The following NAAA variants were observed in gnomAD, a reference collection of about 807,000 sequenced individuals.
NAAA encodes N-acylethanolamine acid amidase, also known as N-acylethanolamine-hydrolyzing acid amidase.
A neutral mutation model predicts 44.8 loss-of-function variants in NAAA; 39 were observed. The observed-to-expected ratio is 0.87, with a 90% CI of 0.67 to 1.14. The LOEUF (loss-of-function observed/expected upper bound fraction) is 1.14. NAAA is among the 50% of genes most tolerant of loss of function. NAAA has a pLI of 0.00. For missense variants in NAAA, 460 were observed against 467.8 expected, an observed-to-expected ratio of 0.98 and a Z score of 0.15; for synonymous variants, 178 against 191.3, an observed-to-expected ratio of 0.93 and a Z score of 0.58.
downstream of NAAA, among the ~76,000 whole-genome samples, chr4:75,912,227 A>C (rs994126876): frequency 1.3e-5 from 2 of 152,194 alleles, no homozygotes; most frequent in African/African-American, 4.8e-5. Context: ...ATTTTCAAGA[A>C]AACAAAAATG....
At chr4:75,920,152 C>T (rs1726014297) in intron 7 of NAAA, among the ~76,000 whole-genome samples, 177 bp from the exon 8 acceptor site, 1 of 152,212 alleles carries the variant, frequency 6.6e-6, no homozygotes, top group African/African-American at 2.4e-5. Context: ...TGGAATTCAT[C>T]CAGCAGCTGG....
At chr4:75,921,679 T>C (rs572427865) in intron 5 of NAAA, among the ~76,000 whole-genome samples, 46 of 152,244 alleles carry the variant, frequency 3.0e-4, no homozygotes, top group African/African-American at 1.1e-3. Context: ...GAGGTACTGC[T>C]GGGAAGCATC....
chr4:75,933,801 G>A (rs939356518), intron 3 of NAAA, among the ~76,000 whole-genome samples: 78 of 151,978 alleles, frequency 5.1e-4, no homozygotes, highest in Non-Finnish European at 2.2e-4. Context: ...TTGGGAGGCC[G>A]AGGCGGGTGG....
chr4:75,928,681 A>G (rs190180493), intron 4 of NAAA, among the ~76,000 whole-genome samples: 100 of 152,310 alleles, frequency 6.6e-4, no homozygotes, highest in African/African-American at 2.4e-3. Flanking sequence ...TGGAGATGCA[A>G]CAACAACAAA....
chr4:75,940,331 C>T (rs1481769666), intron 1 of NAAA, 166 bp from the exon 2 acceptor site: 1 of 319,378 alleles, frequency 3.1e-6, no homozygotes, highest in Non-Finnish European at 5.7e-6. Flanking sequence ...TGCAGCCTCC[C>T]GGGAGTGGGG....
chr4:75,914,401 G>C, intron 10 of NAAA, 63 bp from the exon 11 acceptor site: 1 of 690,244 alleles, frequency 1.4e-6, no homozygotes, highest in Non-Finnish European at 1.8e-6. Context: ...TTTTAATGGA[G>C]TCTCACTCTG....
intron 4 of NAAA, among the ~76,000 whole-genome samples, chr4:75,929,948 G>C (rs542233420): frequency 3.3e-5 from 5 of 152,004 alleles, no homozygotes; most frequent in Admixed American, 2.0e-4. Context: ...AAATTAGCCG[G>C]GTGTGGTGGC....
intron 5 of NAAA, among the ~76,000 whole-genome samples, chr4:75,921,671 G>A (rs892747066): frequency 6.6e-6 from 1 of 152,196 alleles, no homozygotes; most frequent in African/African-American, 2.4e-5. Context: ...CAGTGGAGGA[G>A]GTACTGCTGG....
At chr4:75,937,205 G>C (rs1727808117) in intron 2 of NAAA, among the ~76,000 whole-genome samples, 1 of 152,166 alleles carries the variant, frequency 6.6e-6, no homozygotes, top group Non-Finnish European at 1.5e-5. Context: ...TGAATCATGA[G>C]GTCAGGAGTT....
Position 75,923,230 on chromosome 4 carries a change from T to C in NAAA, c.667-2107A>G, listed in dbSNP as rs556650466. Among the ~76,000 whole-genome samples the C allele has an allele frequency of 1.1e-4, 16 of 152,184 alleles. No individual in the cohort carries two copies. In the South Asian group the frequency reaches 3.1e-3, roughly 30 times the overall value. On this transcript the variant is annotated intron_variant, in intron 5 of 10. Transcript: ENST00000286733. ...GCAGATTCGTCCTTACCAGAGAACA[T>C]AGCAACCTCAGCATATGGATTTTTT...
chr4:75,935,208 A>T (rs1049266476), intron 3 of NAAA: 3 of 152,212 alleles, frequency 2.0e-5, no homozygotes, highest in Non-Finnish European at 4.4e-5. Flanking sequence ...TGAATTTTTT[A>T]TGAAAAAAAG....
intron 9 of NAAA, among the ~76,000 whole-genome samples, chr4:75,916,204 C>G (rs1725611409): frequency 6.6e-6 from 1 of 152,164 alleles, no homozygotes; most frequent in African/African-American, 2.4e-5. Flanking sequence ...GAGCTAACTG[C>G]CTTTGTTCAG....
chr4:75,912,203 G>A (rs748837566), downstream of NAAA, among the ~76,000 whole-genome samples: 7 of 152,212 alleles, frequency 4.6e-5, no homozygotes, highest in Admixed American at 6.5e-5. Flanking sequence ...CCAAATTTCC[G>A]AAGATCATGG....
intron 5 of NAAA, among the ~76,000 whole-genome samples, chr4:75,923,585 G>C (rs1405834245): frequency 1.3e-5 from 2 of 151,276 alleles, no homozygotes; most frequent in South Asian, 4.2e-4. Flanking sequence ...TGTCTCCCAG[G>C]CTGGAGTGCA....
chr4:75,938,374 G>C (rs1268019139), intron 2 of NAAA, among the ~76,000 whole-genome samples: 1 of 152,158 alleles, frequency 6.6e-6, no homozygotes, highest in Non-Finnish European at 1.5e-5. Context: ...AACAGATGAG[G>C]GTAAAAATGA....
chr4:75,923,778 C>T (rs1726395261), intron 5 of NAAA, among the ~76,000 whole-genome samples: 2 of 152,064 alleles, frequency 1.3e-5, no homozygotes, highest in Admixed American at 6.6e-5. Context: ...GACCTCCTCA[C>T]TTCTCTGCCT....
chr4:75,937,157 A>G (rs1374323901), intron 2 of NAAA, among the ~76,000 whole-genome samples: 1 of 152,226 alleles, frequency 6.6e-6, no homozygotes, highest in African/African-American at 2.4e-5. Flanking sequence ...ACAGTGGCTC[A>G]TGCCTGTAAT....
intron 7 of NAAA, 46 bp downstream of exon 7, chr4:75,920,680 GGCATATTCTCCT>G: frequency 6.3e-7 from 1 of 1,596,326 alleles, no homozygotes. Flanking sequence ...TGACAGAATG[GGCATATTCTCCT>G]GACCATAAGA....
rs1320492173 is a variant in NAAA, at chr4:75,925,805, C to G, written c.596G>C (p.Gly199Ala). The G allele has an allele frequency of 1.2e-6, 2 of 1,613,984 alleles. No individual in the cohort carries two copies. The highest frequency in any genetic ancestry group is 3.3e-5 in the Admixed American group (2 of 59,988). Residue 199 changes from glycine (G) to alanine (A), a missense_variant, in exon 5 of 11, where the codon GGC becomes GCC. Gly to Ala is a moderately conservative substitution (Grantham distance 60, BLOSUM62 0). Coordinates refer to ENST00000286733, the MANE Select transcript of NAAA (RefSeq NM_014435.4). ...AGCGATAGCATTCTCCCACCACCAG[C>G]CTTTATCTGCCAAGTTGAGTATATA... Reference protein sequence around the residue: ...FTVSGDERDKGWWWENAIAAL... With the variant: ...FTVSGDERDKAWWWENAIAAL...
Sources: gnomAD v4.1 joint callset for allele counts (sites outside exome capture counted in the v4.1 genomes callset) on GRCh38, gnomAD v4.1.1 for gene constraint, MANE v1.5 for transcripts, NCBI Gene and HGNC (gene_info 2026-07-23, HGNC 2026-07-21) for gene names.